The following NTM variants were observed in gnomAD, a reference collection of about 807,000 sequenced individuals.
NTM encodes IgLON family member 2.
In NTM, 13 loss-of-function variants were observed where a neutral mutation model predicts 42.1. The observed-to-expected ratio is 0.31, with a 90% CI of 0.20 to 0.49. The LOEUF (loss-of-function observed/expected upper bound fraction) is 0.49, where lower values mean the gene tolerates loss of function less well. Ranked by LOEUF, NTM falls within the 20% of genes least tolerant of loss-of-function variation. The probability of loss-of-function intolerance (pLI) is 0.99; values close to 1 mark genes in which losing one functional copy is unlikely to be tolerated. For missense variants in NTM, 373 were observed against 452.8 expected (o/e 0.82, Z 1.60); for synonymous variants, 187 against 179.2 (o/e 1.04, Z -0.35).
intron 1 of NTM, among the ~76,000 whole-genome samples, chr11:131,652,744 A>G (rs1212435873): frequency 6.6e-6 from 1 of 152,174 alleles, no homozygotes; most frequent in African/African-American, 2.4e-5. Flanking sequence ...TTCTCAATGA[A>G]AACAAGCAAA....
chr11:132,120,490 A>G (rs1304959279), intron 2 of NTM, among the ~76,000 whole-genome samples: 1 of 152,230 alleles, frequency 6.6e-6, no homozygotes, highest in Non-Finnish European at 1.5e-5. Context: ...TGCAAGAGAC[A>G]GTGTCTTTGC....
intron 4 of NTM, among the ~76,000 whole-genome samples, chr11:132,221,810 G>A (rs576115494): frequency 1.8e-4 from 27 of 152,270 alleles, no homozygotes; most frequent in Admixed American, 1.5e-3. Flanking sequence ...ATGAAAATCA[G>A]GGGGCAGGAG....
rs79513693 is a variant in NTM at position 131,472,940 on chromosome 11, C to T, written c.82+102052C>T. ...TGTATACCACATTGACTAATTACTC[C>T]GTGAAATATTAATTGATTTTCCACG... On this transcript the variant is annotated intron_variant, in intron 1 of 8. Coordinates refer to ENST00000683400, the MANE Select transcript of NTM (RefSeq NM_001352005.2). 4.9e-3 allele frequency among the ~76,000 whole-genome samples: 743 copies of T among 152,066 alleles called. 6 individuals carry two copies. Among genetic ancestry groups the T allele is most frequent in the African/African-American group, 0.017 (708 of 41,462 alleles).
chr11:131,577,908 C>T (rs2058073008), intron 1 of NTM, among the ~76,000 whole-genome samples: 1 of 152,158 alleles, frequency 6.6e-6, no homozygotes, highest in South Asian at 2.1e-4. Flanking sequence ...TTTTACAAAG[C>T]CTTTTGTAAT....
chr11:131,550,267 A>C (rs907727208), intron 1 of NTM, among the ~76,000 whole-genome samples: 2 of 152,168 alleles, frequency 1.3e-5, no homozygotes, highest in Non-Finnish European at 2.9e-5. Context: ...CCAACATAGC[A>C]AGACCCCACC....
chr11:131,971,355 T>C (rs974129135), intron 2 of NTM, among the ~76,000 whole-genome samples: 12 of 152,198 alleles, frequency 7.9e-5, no homozygotes, highest in Admixed American at 1.3e-4. Context: ...TTTCTCGGCT[T>C]TTTCTTATGT....
chr11:131,539,963 A>G (rs7938657), intron 1 of NTM, among the ~76,000 whole-genome samples: 10,576 of 152,144 alleles, frequency 0.07, 1,236 homozygotes, highest in African/African-American at 0.24. Context: ...CAAGGAACAC[A>G]CGAAGTTCCA....
chr11:131,532,480 G>A (rs1475353771), intron 1 of NTM, among the ~76,000 whole-genome samples: 1 of 152,190 alleles, frequency 6.6e-6, no homozygotes, highest in East Asian at 1.9e-4. Flanking sequence ...CATAGACACT[G>A]GGTTGTTTCC....
At chr11:131,481,148 A>G (rs757812058) in intron 1 of NTM, among the ~76,000 whole-genome samples, 16 of 152,186 alleles carry the variant, frequency 1.1e-4, no homozygotes, top group Non-Finnish European at 1.8e-4. Context: ...TTGAGCTTCA[A>G]TTTCCTTAGA....
At chr11:131,642,604 G>C (rs2065270416) in intron 1 of NTM, among the ~76,000 whole-genome samples, 1 of 152,100 alleles carries the variant, frequency 6.6e-6, no homozygotes, top group Non-Finnish European at 1.5e-5. Context: ...CTACAGACAT[G>C]GCCCATTCCC....
At chr11:132,222,745 C>T (rs2085427447) in intron 4 of NTM, among the ~76,000 whole-genome samples, 1 of 152,160 alleles carries the variant, frequency 6.6e-6, no homozygotes, top group Admixed American at 6.5e-5. Context: ...TTCTTCTCTG[C>T]TTACTGCCCT....
intron 3 of NTM, among the ~76,000 whole-genome samples, chr11:132,188,934 A>G (rs1293459600): frequency 1.3e-5 from 2 of 152,178 alleles, no homozygotes; most frequent in South Asian, 2.1e-4. Flanking sequence ...ATGCGCACAC[A>G]TGAGTTTATA....
intron 2 of NTM, among the ~76,000 whole-genome samples, chr11:131,947,158 T>G (rs904974107): frequency 6.6e-6 from 1 of 152,198 alleles, no homozygotes; most frequent in Non-Finnish European, 1.5e-5. Flanking sequence ...TATTTAATTA[T>G]GAAGTTTAGC....
rs528777749 is a variant in NTM at position 132,144,725 on chromosome 11, C to G, written c.168-1557C>G. Among the ~76,000 whole-genome samples, 7 of 152,302 alleles carry G rather than the reference C, an allele frequency of 4.6e-5. 1 individual carries two copies. The South Asian group carries it at 1.5e-3, about 32-fold the overall frequency. Reference sequence around the variant, plus strand: ...AGGTAGTCCCCAGATCTTCTCCAAGCTAGGCCTTCACTCATTTCCATGCTG... The same window carrying G: ...AGGTAGTCCCCAGATCTTCTCCAAGGTAGGCCTTCACTCATTTCCATGCTG... On this transcript the variant is annotated intron_variant, in intron 2 of 8. Transcript: ENST00000683400.
At chr11:132,200,988 T>G (rs146304523) in intron 3 of NTM, among the ~76,000 whole-genome samples, 1 of 152,218 alleles carries the variant, frequency 6.6e-6, no homozygotes, top group Admixed American at 6.5e-5. Context: ...CAGACTATTA[T>G]AGCAAAATGT....
chr11:131,497,397 C>T (rs999866887), intron 1 of NTM, among the ~76,000 whole-genome samples: 6 of 152,100 alleles, frequency 3.9e-5, no homozygotes, highest in African/African-American at 1.4e-4. Context: ...CCATGTTGCC[C>T]AGGCTGGTCT....
chr11:132,031,007 G>A (rs1176937473), intron 2 of NTM, among the ~76,000 whole-genome samples: 2 of 152,136 alleles, frequency 1.3e-5, no homozygotes, highest in Non-Finnish European at 2.9e-5. Flanking sequence ...CCCAGACCTG[G>A]TTGATGGAAC....
chr11:132,045,095 A>G (rs2077803595), intron 2 of NTM, among the ~76,000 whole-genome samples: 1 of 152,256 alleles, frequency 6.6e-6, no homozygotes, highest in South Asian at 2.1e-4. Context: ...TGTCAGGCCA[A>G]TATCCTTGAT....
chr11:131,546,080 A>G (rs2053900644), intron 1 of NTM, among the ~76,000 whole-genome samples: 4 of 152,134 alleles, frequency 2.6e-5, no homozygotes, highest in Admixed American at 2.0e-4. Flanking sequence ...CGAAAGAAAC[A>G]CTAATAATTT....
Sources: gnomAD v4.1 joint callset for allele counts (sites outside exome capture counted in the v4.1 genomes callset) on GRCh38, gnomAD v4.1.1 for gene constraint, MANE v1.5 for transcripts, NCBI Gene and HGNC (gene_info 2026-07-23, HGNC 2026-07-21) for gene names.